SELE: variants seen among roughly 807,000 people sequenced by gnomAD.
The protein encoded by SELE is E-selectin.
Under a neutral mutation model 75.8 loss-of-function variants are expected in SELE, and 52 were observed. The observed-to-expected ratio is 0.69, with a 90% CI of 0.55 to 0.86. The LOEUF is 0.86. Ranked by LOEUF, SELE falls within the 40% of genes least tolerant of loss-of-function variation. The pLI, the probability that SELE is intolerant of heterozygous loss-of-function variation, is 0.00. For synonymous variants in SELE, 285 were observed against 258.7 expected (o/e 1.10, Z -0.98); for missense variants, 754 against 732.7 (o/e 1.03, Z -0.34).
rs959394570 is a variant in SELE, at chr1:169,733,468, T to A, written c.37+108A>T. ...ACACATTGCAGGTAGAGGTCAAGGA[T>A]GCTGCCAGATATCCTGTGCAGGACA... On this transcript the variant is annotated intron_variant, in intron 2 of 13. Transcript: ENST00000333360. 5 of 1,111,304 alleles carry A rather than the reference T, an allele frequency of 4.5e-6. No individual in the cohort carries two copies. The Admixed American group carries it at 5.2e-5, about 12-fold the overall frequency. The allele number at this position is 1,111,304 out of a possible 1,614,324, so 68.8% of individuals were successfully genotyped here.
At chr1:169,728,018 T>C (rs1648818826) in intron 8 of SELE, 40 bp downstream of exon 8, 2 of 1,583,896 alleles carry the variant, frequency 1.3e-6, no homozygotes, top group Admixed American at 1.9e-5. Flanking sequence ...TCTTCAATAG[T>C]TCTTTTTATC....
At chr1:169,729,425 C>T in intron 6 of SELE, 51 bp from the exon 7 acceptor site, 1 of 1,608,266 alleles carries the variant, frequency 6.2e-7, no homozygotes, top group Middle Eastern at 1.7e-4. Context: ...TTAGCTTGCC[C>T]ATTTCCAGTA....
Position 169,728,137 on chromosome 1 carries a change from C to G in SELE, c.1200G>C (p.Gln400His). 1 of 1,614,226 alleles carries G rather than the reference C, an allele frequency of 6.2e-7. No homozygotes were observed. The highest frequency in any genetic ancestry group is 8.5e-7 in the Non-Finnish European group (1 of 1,180,036). Residue 400 changes from glutamine (Q) to histidine (H), a missense_variant, in exon 8 of 14, where the codon CAG becomes CAC. Physicochemically the swap from Gln to His is conservative, Grantham distance 24. Coordinates refer to ENST00000333360, the MANE Select transcript of SELE (RefSeq NM_000450.2). ...YGSSCEFSCEQGFVLKGSKRL... is the reference protein window; with the variant it reads ...YGSSCEFSCEHGFVLKGSKRL... ...TTTTGGATCCCTTCAACACAAAACC[C>G]TGCTCACAGGAGAACTCACAGCTGG...
intron 7 of SELE, among the ~76,000 whole-genome samples, chr1:169,728,682 A>C (rs942751425): frequency 6.6e-6 from 1 of 152,256 alleles, no homozygotes; most frequent in Non-Finnish European, 1.5e-5. Flanking sequence ...GGACAAGGCC[A>C]GTGCCTGATA....
In SELE at chr1:169,733,728, A is replaced by G. The variant is rs1227427833; in HGVS notation, c.-48-68T>C. The G allele has an allele frequency of 1.3e-5, 13 of 1,026,962 alleles. No homozygotes were observed. The African/African-American group carries it at 1.9e-4, about 15-fold the overall frequency. 63.6% of individuals were successfully genotyped at this position (1,026,962 alleles called of 1,614,324 possible). A position where few individuals can be genotyped will look rare whatever the true frequency, so the allele number is the denominator to read the frequency against. Reference sequence around the variant, plus strand: ...GGGTAGCTAGTTACATTATTCTACCATGATGTTTAAGGCAGCATCCTAAGA... The same window carrying G: ...GGGTAGCTAGTTACATTATTCTACCGTGATGTTTAAGGCAGCATCCTAAGA... On this transcript the variant is annotated intron_variant, in intron 1 of 13. Coordinates refer to ENST00000333360, the MANE Select transcript of SELE (RefSeq NM_000450.2).
chr1:169,723,950 C>A lies in SELE; in HGVS notation c.*575G>T, dbSNP rs2101989124. The A allele has an allele frequency of 6.6e-6, 1 of 152,318 alleles. No individual in the cohort carries two copies. The highest frequency in any genetic ancestry group is 2.1e-4 in the South Asian group (1 of 4,824). The allele number at this position is 152,318 out of a possible 1,614,324, so 9.4% of individuals were successfully genotyped here. ...AAAGTGATTAAATTGTGCATAGTAA[C>A]CCTCGCACAGAGCATTCAGTAGGAT... is the stretch of plus-strand genomic sequence containing the variant. On this transcript the variant is annotated 3_prime_UTR_variant, in exon 14 of 14. Coordinates refer to ENST00000333360, the MANE Select transcript of SELE (RefSeq NM_000450.2).
In SELE at chr1:169,727,662, C is replaced by T. The variant is rs536354744; in HGVS notation, c.1468+77G>A. The stretch of plus-strand genomic sequence containing the variant: ...GCATGTAGGAAATTAGGACCAAACC[C>T]CTTTGGGGCAATCTAGGTTCAGAAA... On this transcript the variant is annotated intron_variant, in intron 9 of 13. Coordinates refer to ENST00000333360, the MANE Select transcript of SELE (RefSeq NM_000450.2). The T allele has an allele frequency of 1.7e-3, 2,703 of 1,550,206 alleles. 2 individuals carry two copies. The highest frequency in any genetic ancestry group is 2.1e-3 in the Non-Finnish European group (2,376 of 1,140,166).
Position 169,729,064 on chromosome 1 carries a change from C to A in SELE, c.1090+122G>T, listed in dbSNP as rs111268139. 5.9e-4 allele frequency: 471 copies of A among 793,998 alleles called. 2 individuals carry two copies. The South Asian group carries it at 6.7e-3, about 11-fold the overall frequency. 49.2% of individuals were successfully genotyped at this position (793,998 alleles called of 1,614,324 possible). ...TTCTTTTAAATGAATCTCAAAGATACGAGGGTTGCTCATCAAATCTGATTT... is the reference window on the plus strand; with the variant it reads ...TTCTTTTAAATGAATCTCAAAGATAAGAGGGTTGCTCATCAAATCTGATTT... On this transcript the variant is annotated intron_variant, in intron 7 of 13. Transcript: ENST00000333360.
intron 13 of SELE, among the ~76,000 whole-genome samples, chr1:169,724,800 AG>A (rs1038352724): frequency 1.3e-5 from 2 of 152,226 alleles, no homozygotes; most frequent in Non-Finnish European, 2.9e-5. Flanking sequence ...TGTTAATAAC[AG>A]GGGGAATTGA....
rs1648784434 is a variant in SELE, at chr1:169,726,768, A to G, written c.1684T>C (p.Ser562Pro). The change falls in exon 11 of 14, where the codon TCT (serine) becomes CCT (proline). Residue 562 changes from serine (S) to proline (P), a missense_variant. Coordinates refer to ENST00000333360, the MANE Select transcript of SELE (RefSeq NM_000450.2). ...ESNIPLVAGL[S>P]AAGLSLLTLA... ...GTCAGGAGGGAGAGTCCAGCAGCAGAAAGTCCAGCTACCAAGGGAATGTTG... is the reference window on the plus strand; with the variant it reads ...GTCAGGAGGGAGAGTCCAGCAGCAGGAAGTCCAGCTACCAAGGGAATGTTG... 5.6e-6 allele frequency: 9 copies of G among 1,613,882 alleles called. No individual in the cohort carries two copies. The highest frequency in any genetic ancestry group is 7.6e-6 in the Non-Finnish European group (9 of 1,179,896).
In SELE at chr1:169,732,957, A is replaced by T. The variant is rs752382969; in HGVS notation, c.79T>A (p.Ser27Thr). 1.9e-6 allele frequency: 3 copies of T among 1,609,576 alleles called. No individual in the cohort carries two copies. The highest frequency in any genetic ancestry group is 2.5e-6 in the Non-Finnish European group (3 of 1,178,630). Residue 27 changes from serine to threonine, a missense_variant, in exon 3 of 14, where the codon TCC becomes ACC. Physicochemically the swap from Ser to Thr is moderately conservative, Grantham distance 58. Transcript: ENST00000333360. Reference sequence around the variant, plus strand: ...TCATCATAAGTCATAGCTTCCGTGGAGGTGTTGTAAGACCAGGCTCCACTC... The same window carrying T: ...TCATCATAAGTCATAGCTTCCGTGGTGGTGTTGTAAGACCAGGCTCCACTC... ...KESGAWSYNT[S>T]TEAMTYDEAS...
chr1:169,725,996 A>G (rs1648754172), intron 11 of SELE, 68 bp from the exon 12 acceptor site: 19 of 1,557,358 alleles, frequency 1.2e-5, no homozygotes, highest in Admixed American at 1.7e-5. Context: ...TTAAATCCAG[A>G]TACAATATGA....
At chr1:169,730,386 G>T in intron 5 of SELE, 46 bp downstream of exon 5, 1 of 1,419,796 alleles carries the variant, frequency 7.0e-7, no homozygotes, top group Non-Finnish European at 9.5e-7. Flanking sequence ...CAGAAGCAAT[G>T]AGGGATGAGT....
At chr1:169,729,160 T>C (rs1446585039) in intron 7 of SELE, 26 bp downstream of exon 7, 2 of 1,561,496 alleles carry the variant, frequency 1.3e-6, no homozygotes, top group Admixed American at 3.7e-5. Context: ...TTTAAGAAAG[T>C]ATAAATCGAA....
intron 10 of SELE, 45 bp from the exon 11 acceptor site, chr1:169,726,851 G>A (rs1236620429): frequency 4.4e-6 from 6 of 1,369,618 alleles, no homozygotes; most frequent in Non-Finnish European, 3.1e-6. Flanking sequence ...AAGAATTGAT[G>A]TTAAAGTCTC....
At position 169,727,791 on chromosome 1, in the gene SELE, T is replaced by C; in HGVS notation, c.1416A>G (p.Gln472=). The change falls in exon 9 of 14, where the codon CAA becomes CAG. Residue 472 remains glutamine, a synonymous_variant. Coordinates refer to ENST00000333360, the MANE Select transcript of SELE (RefSeq NM_000450.2). ...EEGFELHGST[Q]LECTSQGQWT... is the part of the protein sequence containing the mutation. ...ATTGTCCCTGAGATGTGCACTCAAGTTGAGTTGATCCATGTAATTCAAATC... is the reference window on the plus strand; with the variant it reads ...ATTGTCCCTGAGATGTGCACTCAAGCTGAGTTGATCCATGTAATTCAAATC... 6.2e-7 allele frequency: 1 copy of C among 1,614,166 alleles called. No homozygotes were observed. The highest frequency in any genetic ancestry group is 1.1e-5 in the South Asian group (1 of 91,080).
intron 5 of SELE, 106 bp from the exon 6 acceptor site, chr1:169,729,779 TC>T: frequency 2.0e-6 from 2 of 1,009,720 alleles, no homozygotes; most frequent in Non-Finnish European, 3.0e-6. Context: ...AAAGGGTAGA[TC>T]CCAAAGTCCT....
At position 169,733,620 on chromosome 1, in the gene SELE, A is replaced by G. The variant is rs764798752; in HGVS notation, c.-8T>C. On this transcript the variant is annotated 5_prime_UTR_variant, in exon 2 of 14. Transcript: ENST00000333360. The stretch of plus-strand genomic sequence containing the variant: ...AAACTGTGAAGCAATCATGACTTCA[A>G]GAGTTCTTTTCACCCAAAGGTTTAG... 45 of 1,613,864 alleles carry G rather than the reference A, an allele frequency of 2.8e-5. No individual in the cohort carries two copies. The highest frequency in any genetic ancestry group is 3.3e-4 in the Middle Eastern group (2 of 6,082).
chr1:169,726,880 C>G (rs1278865216), intron 10 of SELE, 74 bp from the exon 11 acceptor site: 2 of 1,055,066 alleles, frequency 1.9e-6, no homozygotes, highest in Non-Finnish European at 1.4e-6. Flanking sequence ...GTCCCTTTGG[C>G]CTTTTTTCTG....
Sources: allele counts gnomAD v4.1 joint callset (sites outside exome capture counted in the v4.1 genomes callset), GRCh38; gene constraint gnomAD v4.1.1; transcripts MANE v1.5; gene names NCBI Gene and HGNC (gene_info 2026-07-23, HGNC 2026-07-21).